Variants in SLC16A12 observed in about 807,000 individuals in gnomAD.
SLC16A12 encodes the protein monocarboxylate transporter 12.
SLC16A12 carries 17 observed loss-of-function variants against 42.4 expected under a neutral mutation model. The observed-to-expected ratio is 0.40, with a 90% CI of 0.27 to 0.60. The LOEUF (loss-of-function observed/expected upper bound fraction) is 0.60. Among genes scored for constraint, SLC16A12 ranks in the 20% least tolerant of loss-of-function variants. SLC16A12 has a pLI of 0.42. For missense variants in SLC16A12, 544 were observed against 623.0 expected, an observed-to-expected ratio of 0.87 and a Z score of 1.35; for synonymous variants, 224 against 229.4, an observed-to-expected ratio of 0.98 and a Z score of 0.21.
In SLC16A12 at chr10:89,469,233, C is replaced by A. The variant is rs1448756964; in HGVS notation, c.-46-6609G>T. Reference sequence around the variant, plus strand: ...ATCAAATGGAACAGTATTCTGCATCCCATTCTAGCTTCGGAAAAATTTTCT... The same window carrying A: ...ATCAAATGGAACAGTATTCTGCATCACATTCTAGCTTCGGAAAAATTTTCT... On this transcript the variant is annotated intron_variant, in intron 2 of 7. Transcript: ENST00000371790. 3.3e-5 allele frequency among the ~76,000 whole-genome samples: 5 copies of A among 152,290 alleles called. No individual in the cohort carries two copies. In the East Asian group the frequency reaches 7.7e-4, roughly 23 times the overall value.
intron 4 of SLC16A12, among the ~76,000 whole-genome samples, chr10:89,442,969 C>T (rs1388875640): frequency 1.3e-5 from 2 of 152,190 alleles, no homozygotes; most frequent in East Asian, 1.9e-4. Context: ...GTCTAAGCTA[C>T]AAACAATTTG....
intron 2 of SLC16A12, among the ~76,000 whole-genome samples, chr10:89,505,742 G>A (rs958151384): frequency 4.6e-5 from 7 of 152,180 alleles, no homozygotes; most frequent in African/African-American, 7.2e-5. Context: ...CTTTTCCCAT[G>A]GTCTTCGCAA....
At chr10:89,515,616 C>G (rs1287750919) in intron 2 of SLC16A12, among the ~76,000 whole-genome samples, 3 of 152,128 alleles carry the variant, frequency 2.0e-5, no homozygotes, top group Non-Finnish European at 4.4e-5. Context: ...CATATGGTTT[C>G]CCAGGTCCAA....
chr10:89,490,636 T>C (rs889371523), intron 2 of SLC16A12, among the ~76,000 whole-genome samples: 1 of 152,180 alleles, frequency 6.6e-6, no homozygotes, highest in African/African-American at 2.4e-5. Flanking sequence ...ACGCAGAGCT[T>C]CTATGCATCC....
intron 3 of SLC16A12, among the ~76,000 whole-genome samples, chr10:89,459,606 A>G (rs546730302): frequency 3.3e-5 from 5 of 152,156 alleles, no homozygotes; most frequent in African/African-American, 1.2e-4. Context: ...ACAAACAAAC[A>G]AACAAACTAG....
rs573864692 is a variant in SLC16A12 at position 89,462,156 on chromosome 10, A to G, written c.200+223T>C. On this transcript the variant is annotated intron_variant, in intron 3 of 7. Coordinates refer to ENST00000371790, the MANE Select transcript of SLC16A12 (RefSeq NM_213606.4). ...CGATACCTGAGCAGTCAACGGAAAT[A>G]TACACACCCCACATGAAAAGACCAC... Among the ~76,000 whole-genome samples, 5 of 152,304 alleles carry G rather than the reference A, an allele frequency of 3.3e-5. No homozygotes were observed. In the East Asian group the frequency reaches 7.7e-4, roughly 24 times the overall value.
At chr10:89,504,716 A>G (rs77952102) in intron 2 of SLC16A12, among the ~76,000 whole-genome samples, 3,172 of 152,314 alleles carry the variant, frequency 0.021, 70 homozygotes, top group African/African-American at 0.023. Flanking sequence ...AACAAACCCA[A>G]AAAGGAGATT....
At chr10:89,468,786 T>C (rs996079758) in intron 2 of SLC16A12, among the ~76,000 whole-genome samples, 2 of 152,160 alleles carry the variant, frequency 1.3e-5, no homozygotes, top group African/African-American at 4.8e-5. Context: ...TTGTAAATAA[T>C]TAACCCACCT....
chr10:89,536,593 A>G (rs1035837558), upstream of SLC16A12, among the ~76,000 whole-genome samples: 3 of 151,968 alleles, frequency 2.0e-5, no homozygotes, highest in Non-Finnish European at 4.4e-5. Flanking sequence ...AACTTTCTGT[A>G]AAGTCCTCTC....
At chr10:89,482,714 T>C (rs1184570477) in intron 2 of SLC16A12, among the ~76,000 whole-genome samples, 2 of 149,082 alleles carry the variant, frequency 1.3e-5, no homozygotes, top group Non-Finnish European at 3.0e-5. Flanking sequence ...GCCTGTGAGG[T>C]AGAGGTTGCA....
At chr10:89,467,031 CA>C (rs1284760467) in intron 2 of SLC16A12, among the ~76,000 whole-genome samples, 1 of 152,196 alleles carries the variant, frequency 6.6e-6, no homozygotes, top group African/African-American at 2.4e-5. Context: ...CAATTGGACA[CA>C]ATTAACTGCC....
At chr10:89,487,964 G>GTGTATATATATA (rs1248310697) in intron 2 of SLC16A12, among the ~76,000 whole-genome samples, 123 of 126,660 alleles carry the variant, frequency 9.7e-4, no homozygotes, top group South Asian at 8.5e-4. Flanking sequence ...TGGTGTGTGT[G>GTGTATATATATA]TATATATATA....
intron 3 of SLC16A12, among the ~76,000 whole-genome samples, chr10:89,459,516 A>ATGTGTG (rs58259835): frequency 0.069 from 10,366 of 149,688 alleles, 916 homozygotes; most frequent in African/African-American, 0.21. Context: ...TTCTGTGTTT[A>ATGTGTG]TGTGTGTGTG....
chr10:89,466,418 C>T (rs1297909153), intron 2 of SLC16A12, among the ~76,000 whole-genome samples: 1 of 152,104 alleles, frequency 6.6e-6, no homozygotes, highest in African/African-American at 2.4e-5. Context: ...AACTGTTGAA[C>T]AATAATTTCT....
At chr10:89,479,700 C>T (rs911105753) in intron 2 of SLC16A12, among the ~76,000 whole-genome samples, 19 of 152,176 alleles carry the variant, frequency 1.2e-4, no homozygotes, top group Admixed American at 5.9e-4. Context: ...TATCACAAAG[C>T]ATAGGTCCTG....
At chr10:89,443,102 A>G (rs146626750) in intron 4 of SLC16A12, among the ~76,000 whole-genome samples, 3 of 152,354 alleles carry the variant, frequency 2.0e-5, no homozygotes, top group African/African-American at 7.2e-5. Flanking sequence ...ATACATTTCT[A>G]GAACACCCTA....
At chr10:89,528,840 GT>G (rs983454260) in intron 2 of SLC16A12, among the ~76,000 whole-genome samples, 3 of 152,250 alleles carry the variant, frequency 2.0e-5, no homozygotes, top group African/African-American at 4.8e-5. Flanking sequence ...ATTGGTACCA[GT>G]TTTTTTCCTT....
At chr10:89,555,720 T>TATATATATA in intron 2 of SLC16A12, among the ~76,000 whole-genome samples, 1 of 140,508 alleles carries the variant, frequency 7.1e-6, no homozygotes, top group African/African-American at 2.7e-5. Context: ...TATATATATA[T>TATATATATA]TCCATGCAGT....
chr10:89,530,514 T>C (rs1003736222), intron 2 of SLC16A12, among the ~76,000 whole-genome samples: 1 of 151,252 alleles, frequency 6.6e-6, no homozygotes, highest in African/African-American at 2.4e-5. Flanking sequence ...GCCTCCTGGG[T>C]TCATGCCATT....
Sources: gnomAD v4.1 joint callset for allele counts (sites outside exome capture counted in the v4.1 genomes callset) on GRCh38, gnomAD v4.1.1 for gene constraint, MANE v1.5 for transcripts, NCBI Gene and HGNC (gene_info 2026-07-23, HGNC 2026-07-21) for gene names.